Variants in TENM4 observed in about 807,000 individuals in gnomAD.
TENM4 encodes the protein teneurin-4.
In TENM4, 82 loss-of-function variants were observed where a neutral mutation model predicts 243.3. That is an observed-to-expected ratio of 0.34 (90% confidence interval 0.28 to 0.40). TENM4 has a LOEUF of 0.40. Among genes scored for constraint, TENM4 ranks in the 10% least tolerant of loss-of-function variants. The pLI is 1.00. For synonymous variants in TENM4, 1,412 were observed against 1,456.3 expected, an observed-to-expected ratio of 0.97 and a Z score of 0.69; for missense variants, 3,138 against 3,673.3, an observed-to-expected ratio of 0.85 and a Z score of 3.77.
At position 79,270,094 on chromosome 11, in the gene TENM4, T is replaced by A. The variant is rs114938007; in HGVS notation, c.-265+27394A>T. Among the ~76,000 whole-genome samples the A allele has an allele frequency of 6.8e-3, 1,029 of 151,816 alleles. 19 individuals carry two copies. Among genetic ancestry groups the A allele is most frequent in the African/African-American group, 0.024 (985 of 41,376 alleles). The stretch of plus-strand genomic sequence containing the variant: ...TGCTGGATTTGTCCCCAGGTTCCCA[T>A]CCCCCTAGCACCACCGTCCTTTCGC... On this transcript the variant is annotated intron_variant, in intron 2 of 33. Transcript: ENST00000278550.
chr11:78,946,870 C>T (rs1415929985), intron 6 of TENM4, among the ~76,000 whole-genome samples: 1 of 152,140 alleles, frequency 6.6e-6, no homozygotes, highest in African/African-American at 2.4e-5. Flanking sequence ...GCTGCCATCT[C>T]ATGATAAAAC....
chr11:78,790,447 C>G (rs1026833939), intron 15 of TENM4, among the ~76,000 whole-genome samples: 1 of 152,184 alleles, frequency 6.6e-6, no homozygotes, highest in African/African-American at 2.4e-5. Context: ...TGTGGGAAAG[C>G]CATTTTTTAT....
chr11:78,685,158 A>G (rs748328014), intron 29 of TENM4, among the ~76,000 whole-genome samples: 1 of 152,202 alleles, frequency 6.6e-6, no homozygotes, highest in African/African-American at 2.4e-5. Flanking sequence ...GCCTGTGTCA[A>G]TTTATCCTTT....
At chr11:78,891,081 G>C (rs1855653728) in intron 8 of TENM4, among the ~76,000 whole-genome samples, 157 bp downstream of exon 8, 1 of 152,216 alleles carries the variant, frequency 6.6e-6, no homozygotes, top group African/African-American at 2.4e-5. Flanking sequence ...GGTATTTAAA[G>C]GATAAACTGT....
intron 2 of TENM4, among the ~76,000 whole-genome samples, chr11:79,222,723 T>G (rs2135242237): frequency 6.6e-6 from 1 of 152,346 alleles, no homozygotes; most frequent in South Asian, 2.1e-4. Context: ...GGTATCTCAT[T>G]GGGATTTTGA....
chr11:79,254,289 T>C (rs936945042), intron 2 of TENM4, among the ~76,000 whole-genome samples: 1 of 152,218 alleles, frequency 6.6e-6, no homozygotes, highest in Admixed American at 6.5e-5. Flanking sequence ...AAACGATGTA[T>C]GGCACATTCA....
intron 3 of TENM4, among the ~76,000 whole-genome samples, chr11:79,191,997 G>C (rs562097502): frequency 2.0e-5 from 3 of 150,468 alleles, no homozygotes; most frequent in Non-Finnish European, 3.0e-5. Context: ...GGTGAGGGGC[G>C]CCTCTGCCCG....
At chr11:79,049,821 A>T (rs1300214558) in intron 6 of TENM4, among the ~76,000 whole-genome samples, 1 of 152,236 alleles carries the variant, frequency 6.6e-6, no homozygotes, top group East Asian at 1.9e-4. Context: ...TGTAGGTGTC[A>T]TCACAGCTCC....
intron 12 of TENM4, among the ~76,000 whole-genome samples, chr11:78,825,533 G>C (rs79952610): frequency 3.3e-5 from 5 of 152,104 alleles, no homozygotes; most frequent in African/African-American, 7.2e-5. Context: ...AGAACCGCTC[G>C]TCTGGAAGAA....
At chr11:78,757,080 C>A in intron 18 of TENM4, 59 bp from the exon 19 acceptor site, 1 of 1,499,440 alleles carries the variant, frequency 6.7e-7, no homozygotes, top group South Asian at 1.3e-5. Context: ...CATGTTTATC[C>A]AGAATGCCTT....
intron 1 of TENM4, among the ~76,000 whole-genome samples, chr11:79,413,300 G>T (rs872490): frequency 0.39 from 59,752 of 152,006 alleles, 11,987 homozygotes; most frequent in African/African-American, 0.46. Flanking sequence ...TCCAGGCTGC[G>T]CACCACTCCT....
intron 1 of TENM4, among the ~76,000 whole-genome samples, chr11:79,361,265 A>T (rs181799220): frequency 6.6e-6 from 1 of 152,314 alleles, no homozygotes; most frequent in Non-Finnish European, 1.5e-5. Context: ...CTTTGTGCTT[A>T]TTGCAGTAAA....
At chr11:78,772,146 G>A (rs973828741) in intron 17 of TENM4, among the ~76,000 whole-genome samples, 9 of 152,244 alleles carry the variant, frequency 5.9e-5, no homozygotes, top group South Asian at 2.1e-4. Context: ...TGCTGTGTTC[G>A]TTCTGCTTGG....
chr11:79,054,653 A>G (rs930934625), intron 6 of TENM4, among the ~76,000 whole-genome samples: 4 of 151,874 alleles, frequency 2.6e-5, no homozygotes, highest in Non-Finnish European at 5.9e-5. Flanking sequence ...ATCCTTGGCT[A>G]TTTTTTGTTG....
chr11:79,366,666 A>G (rs514036), intron 1 of TENM4, among the ~76,000 whole-genome samples: 110,247 of 152,110 alleles, frequency 0.72, 40,026 homozygotes, highest in African/African-American at 0.77. Flanking sequence ...TCCACTGTAC[A>G]GTGCCTGGCA....
At chr11:78,912,715 A>G (rs1183861718) in intron 6 of TENM4, among the ~76,000 whole-genome samples, 1 of 152,240 alleles carries the variant, frequency 6.6e-6, no homozygotes, top group African/African-American at 2.4e-5. Flanking sequence ...AATTGAGGGA[A>G]GAACAGAGTT....
intron 12 of TENM4, among the ~76,000 whole-genome samples, chr11:78,822,688 C>CTT: frequency 6.6e-6 from 1 of 152,090 alleles, no homozygotes; most frequent in East Asian, 1.9e-4. Context: ...ACCTATGTAA[C>CTT]AAACCTGCAC....
chr11:79,329,709 T>C (rs1857031354), intron 1 of TENM4, among the ~76,000 whole-genome samples: 1 of 152,086 alleles, frequency 6.6e-6, no homozygotes, highest in Non-Finnish European at 1.5e-5. Context: ...TTTCCAGGAA[T>C]ACGAAGAAGG....
intron 30 of TENM4, 97 bp from the exon 31 acceptor site, chr11:78,672,426 T>G (rs1858355455): frequency 7.4e-7 from 1 of 1,343,226 alleles, no homozygotes; most frequent in Non-Finnish European, 1.0e-6. Context: ...GGGAAGCTCT[T>G]GAGTAGAGGA....
Sources: allele counts gnomAD v4.1 joint callset (sites outside exome capture counted in the v4.1 genomes callset), GRCh38; gene constraint gnomAD v4.1.1; transcripts MANE v1.5; gene names NCBI Gene and HGNC (gene_info 2026-07-23, HGNC 2026-07-21).